The following GIGYF2 variants were observed in gnomAD, a reference collection of about 807,000 sequenced individuals.
The protein encoded by GIGYF2 is GRB10 interacting GYF protein 2.
In GIGYF2, 25 loss-of-function variants were observed where a neutral mutation model predicts 208.1. The observed-to-expected ratio is 0.12, with a 90% CI of 0.09 to 0.17. The LOEUF (loss-of-function observed/expected upper bound fraction) is 0.17, where lower values mean the gene tolerates loss of function less well. Among genes scored for constraint, GIGYF2 ranks in the 10% least tolerant of loss-of-function variants. GIGYF2 has a pLI of 1.00. For synonymous variants in GIGYF2, 534 were observed against 543.8 expected, an observed-to-expected ratio of 0.98 and a Z score of 0.25; for missense variants, 1,302 against 1,579.4, an observed-to-expected ratio of 0.82 and a Z score of 2.98.
chr2:232,836,685 G>A (rs1053370618), intron 22 of GIGYF2, among the ~76,000 whole-genome samples: 3 of 151,460 alleles, frequency 2.0e-5, no homozygotes, highest in Admixed American at 6.6e-5. Flanking sequence ...TTTTGACTCC[G>A]GGAGGATTTC....
chr2:232,730,491 G>C (rs1206707803), intron 2 of GIGYF2, among the ~76,000 whole-genome samples: 2 of 151,448 alleles, frequency 1.3e-5, no homozygotes, highest in African/African-American at 2.4e-5. Context: ...TGTAATCCCA[G>C]CCACTCAGGA....
intron 20 of GIGYF2, among the ~76,000 whole-genome samples, chr2:232,818,615 A>T (rs1700983898): frequency 6.6e-6 from 1 of 151,814 alleles, no homozygotes; most frequent in African/African-American, 2.4e-5. Context: ...TGGGGTTTGT[A>T]TTCTCTTTTT....
At chr2:232,735,104 T>C in intron 2 of GIGYF2, 51 bp from the exon 3 acceptor site, 1 of 838,704 alleles carries the variant, frequency 1.2e-6, no homozygotes, top group Non-Finnish European at 2.0e-6. Context: ...TGGCCTGGAA[T>C]TCCACATTTA....
At chr2:232,818,547 G>A (rs936042741) in intron 20 of GIGYF2, among the ~76,000 whole-genome samples, 22 of 152,100 alleles carry the variant, frequency 1.4e-4, no homozygotes, top group African/African-American at 4.3e-4. Flanking sequence ...TTCCCCCATT[G>A]TGTGTTTGTG....
At chr2:232,785,488 T>C (rs1699881596) in intron 8 of GIGYF2, among the ~76,000 whole-genome samples, 1 of 152,222 alleles carries the variant, frequency 6.6e-6, no homozygotes, top group Admixed American at 6.5e-5. Context: ...TGTCACTACA[T>C]GGCAACTAGT....
At chr2:232,722,025 G>C (rs1012993645) in intron 2 of GIGYF2, among the ~76,000 whole-genome samples, 1 of 152,046 alleles carries the variant, frequency 6.6e-6, no homozygotes, top group African/African-American at 2.4e-5. Context: ...ACTTCTGCCA[G>C]CACCCTCTAC....
chr2:232,793,085 G>A (rs1211922967), intron 12 of GIGYF2, among the ~76,000 whole-genome samples: 1 of 152,058 alleles, frequency 6.6e-6, no homozygotes, highest in Non-Finnish European at 1.5e-5. Context: ...ATTGGGAGAA[G>A]GCATTCCAGT....
intron 8 of GIGYF2, 91 bp from the exon 9 acceptor site, chr2:232,787,059 G>T: frequency 1.1e-6 from 1 of 890,658 alleles, no homozygotes; most frequent in Non-Finnish European, 1.9e-6. Context: ...GGACCCATTT[G>T]CAGGAAAGCT....
At chr2:232,800,591 T>C (rs1236304874) in intron 14 of GIGYF2, among the ~76,000 whole-genome samples, 1 of 62,786 alleles carries the variant, frequency 1.6e-5, no homozygotes, top group Non-Finnish European at 3.5e-5. Flanking sequence ...CTTTTTTTCT[T>C]TTTTTTTTTT....
intron 7 of GIGYF2, 142 bp downstream of exon 7, chr2:232,760,733 C>T (rs947246847): frequency 4.8e-6 from 3 of 624,494 alleles, no homozygotes; most frequent in Non-Finnish European, 8.7e-6. Flanking sequence ...TCAAGTTGTA[C>T]ATTAGAAATT....
intron 6 of GIGYF2, among the ~76,000 whole-genome samples, chr2:232,759,203 A>G (rs1698657030): frequency 1.3e-5 from 2 of 152,200 alleles, no homozygotes; most frequent in African/African-American, 4.8e-5. Context: ...TACTGCATGG[A>G]TATTTGAAGT....
At chr2:232,699,892 G>A (rs989534746) in intron 1 of GIGYF2, among the ~76,000 whole-genome samples, 1 of 152,112 alleles carries the variant, frequency 6.6e-6, no homozygotes, top group Non-Finnish European at 1.5e-5. Context: ...TTTTTGTGCT[G>A]AGTTTTTTAT....
At chr2:232,698,155 TGGG>T in intron 1 of GIGYF2, 1 of 152,214 alleles carries the variant, frequency 6.6e-6, no homozygotes, top group East Asian at 1.9e-4. Context: ...GAACAGGGAA[TGGG>T]GGCATGAAAG....
intron 20 of GIGYF2, 41 bp from the exon 21 acceptor site, chr2:232,819,786 A>AGGGGGGGGGGGGGGGGGGGG: frequency 4.8e-6 from 2 of 413,094 alleles, no homozygotes; most frequent in Non-Finnish European, 9.4e-6. Context: ...GATAGACCTG[A>AGGGGGGGGGGGGGGGGGGGG]GTCCCTCCCC....
intron 5 of GIGYF2, among the ~76,000 whole-genome samples, chr2:232,755,470 T>C (rs1698499756): frequency 6.6e-6 from 1 of 152,144 alleles, no homozygotes; most frequent in East Asian, 1.9e-4. Flanking sequence ...GCCTGGCCTT[T>C]TACCTTGACT....
chr2:232,789,297 C>T (rs1028655877), intron 9 of GIGYF2, among the ~76,000 whole-genome samples: 1 of 152,074 alleles, frequency 6.6e-6, no homozygotes, highest in African/African-American at 2.4e-5. Flanking sequence ...GGCATCCAGT[C>T]TGGGAGCTGA....
At chr2:232,732,966 A>C (rs1697568931) in intron 2 of GIGYF2, among the ~76,000 whole-genome samples, 1 of 151,460 alleles carries the variant, frequency 6.6e-6, no homozygotes, top group Middle Eastern at 3.2e-3. Context: ...GTTTTAAGAG[A>C]TGAGGAGGGG....
At chr2:232,742,082 T>C (rs1697989409) in intron 3 of GIGYF2, among the ~76,000 whole-genome samples, 2 of 152,202 alleles carry the variant, frequency 1.3e-5, no homozygotes, top group Non-Finnish European at 2.9e-5. Context: ...ATATTCCTGA[T>C]AGCAGAAAGG....
intron 7 of GIGYF2, among the ~76,000 whole-genome samples, 178 bp from the exon 8 acceptor site, chr2:232,761,217 AT>A (rs1698730105): frequency 6.6e-6 from 1 of 152,066 alleles, no homozygotes; most frequent in Non-Finnish European, 1.5e-5. Flanking sequence ...GGGGATGGAT[AT>A]TTTTCTTTTT....
Sources: allele counts gnomAD v4.1 joint callset (sites outside exome capture counted in the v4.1 genomes callset), GRCh38; gene constraint gnomAD v4.1.1; transcripts MANE v1.5; gene names NCBI Gene and HGNC (gene_info 2026-07-23, HGNC 2026-07-21).